Variants in PPP2R2D observed in about 807,000 individuals in gnomAD.
PPP2R2D encodes serine/threonine-protein phosphatase 2A 55 kDa regulatory subunit B delta isoform.
In PPP2R2D, 9 loss-of-function variants were observed where a neutral mutation model predicts 31.1. The observed-to-expected ratio is 0.29, with a 90% CI of 0.17 to 0.51. The LOEUF (loss-of-function observed/expected upper bound fraction) is 0.51, where lower values mean the gene tolerates loss of function less well. Ranked by LOEUF, PPP2R2D falls within the 20% of genes least tolerant of loss-of-function variation. The pLI is 0.98. For missense variants in PPP2R2D, 391 were observed against 465.6 expected, an observed-to-expected ratio of 0.84 and a Z score of 1.48; for synonymous variants, 179 against 172.6, an observed-to-expected ratio of 1.04 and a Z score of -0.29.
intron 2 of PPP2R2D, among the ~76,000 whole-genome samples, chr10:131,916,385 A>G (rs554139797): frequency 1.8e-4 from 27 of 151,222 alleles, no homozygotes; most frequent in African/African-American, 6.6e-4. Flanking sequence ...TAAAATATAC[A>G]TGGCATAATA....
chr10:131,913,630 A>G (rs2035720466), intron 2 of PPP2R2D, among the ~76,000 whole-genome samples: 1 of 152,052 alleles, frequency 6.6e-6, no homozygotes, highest in African/African-American at 2.4e-5. Context: ...GGGGGTGGAT[A>G]TTTTCTGAGC....
At position 131,904,250 on chromosome 10, in the gene PPP2R2D, G is replaced by T. The variant is rs894707778; in HGVS notation, c.100+2920G>T. ...GAGATGGCCGGGCGCAGTGGCTCAC[G>T]CTTGTAATCCCAGCACTTTGGGAGG... On this transcript the variant is annotated intron_variant, in intron 2 of 8. Coordinates refer to ENST00000455566, the MANE Select transcript of PPP2R2D (RefSeq NM_018461.5). Among the ~76,000 whole-genome samples, 106 of 142,638 alleles carry T rather than the reference G, an allele frequency of 7.4e-4. No individual in the cohort carries two copies. The East Asian group carries it at 0.021, about 28-fold the overall frequency. 93.6% of individuals were successfully genotyped at this position (142,638 alleles called of 152,430 possible).
downstream of PPP2R2D, among the ~76,000 whole-genome samples, chr10:131,963,069 G>T (rs1564832267): frequency 6.6e-6 from 1 of 152,186 alleles, no homozygotes; most frequent in Non-Finnish European, 1.5e-5. Flanking sequence ...GGAGGCTGAG[G>T]CAGGACAATC....
At chr10:131,962,892 T>C (rs140545448), downstream of PPP2R2D, among the ~76,000 whole-genome samples, 288 of 152,316 alleles carry the variant, frequency 1.9e-3, no homozygotes, top group South Asian at 9.5e-3. Flanking sequence ...GGGCTAGGCA[T>C]GGTGGCTCAC....
intron 8 of PPP2R2D, among the ~76,000 whole-genome samples, chr10:131,949,252 A>C (rs2036598547): frequency 6.6e-6 from 1 of 152,156 alleles, no homozygotes; most frequent in African/African-American, 2.4e-5. Flanking sequence ...GCTGATGCAC[A>C]CTGAGCTTGG....
chr10:131,945,383 C>T lies in PPP2R2D; in HGVS notation c.744C>T (p.Phe248=), dbSNP rs567109023. 17 of 1,614,200 alleles carry T rather than the reference C, an allele frequency of 1.1e-5. 1 individual carries two copies. In the Admixed American group the frequency reaches 1.3e-4, roughly 13 times the overall value. The change falls in exon 7 of 9, where the codon TTC becomes TTT. Residue 248 remains phenylalanine (F), a synonymous_variant. Coordinates refer to ENST00000455566, the MANE Select transcript of PPP2R2D (RefSeq NM_018461.5). This position sits in a 1 kb window ranked among gnomAD's most constrained non-coding sequence, Gnocchi z 4.8. ...AEFHPHQCNV[F]VYSSSKGTIR... The stretch of plus-strand genomic sequence containing the variant: ...TCCACCCGCACCAGTGCAACGTGTT[C>T]GTCTACAGCAGTAGCAAAGGGACCA...
intron 2 of PPP2R2D, among the ~76,000 whole-genome samples, chr10:131,929,984 G>A (rs1212938962): frequency 6.6e-6 from 1 of 152,124 alleles, no homozygotes; most frequent in Non-Finnish European, 1.5e-5. Flanking sequence ...CCTCCTGTAT[G>A]GCAACCGATG....
At chr10:131,970,391 A>G in the PPP2R2D span, 1 of 570,928 alleles carries the variant, frequency 1.8e-6, no homozygotes, top group Non-Finnish European at 3.1e-6. This position sits in a 1 kb window ranked among gnomAD's most constrained non-coding sequence, Gnocchi z 4.1. Context: ...CTCCGTTTAT[A>G]TTCAGTGAGC....
chr10:131,906,427 C>T (rs2119712042), intron 2 of PPP2R2D, among the ~76,000 whole-genome samples: 1 of 152,246 alleles, frequency 6.6e-6, no homozygotes, highest in Admixed American at 6.5e-5. Flanking sequence ...ATAGACTAAA[C>T]AAAACTAAAG....
In PPP2R2D at chr10:131,939,908, T is replaced by G. The variant is rs566878815; in HGVS notation, c.199-123T>G. The G allele has an allele frequency of 1.4e-5, 6 of 425,314 alleles. No homozygotes were observed. In the East Asian group the frequency reaches 2.1e-4, roughly 15 times the overall value. 26.3% of individuals were successfully genotyped at this position (425,314 alleles called of 1,614,324 possible). A position where few individuals can be genotyped will look rare whatever the true frequency, so the allele number is the denominator to read the frequency against. Reference sequence around the variant, plus strand: ...TTCCCTGAGTTTCATCTGAGATTTTTTTGAGCCAGGATTTTTTAGCTTTAA... The same window carrying G: ...TTCCCTGAGTTTCATCTGAGATTTTGTTGAGCCAGGATTTTTTAGCTTTAA... On this transcript the variant is annotated intron_variant, in intron 3 of 8. Coordinates refer to ENST00000455566, the MANE Select transcript of PPP2R2D (RefSeq NM_018461.5).
chr10:131,941,193 A>G (rs1347483326), intron 5 of PPP2R2D, among the ~76,000 whole-genome samples: 2 of 152,236 alleles, frequency 1.3e-5, no homozygotes, highest in Non-Finnish European at 1.5e-5. Context: ...CATGAGCATC[A>G]TTACTTTTTT....
intron 2 of PPP2R2D, among the ~76,000 whole-genome samples, chr10:131,906,754 C>G (rs2035592890): frequency 7.5e-6 from 1 of 132,612 alleles, no homozygotes; most frequent in Admixed American, 7.8e-5. Context: ...GATCTTGTCT[C>G]TACCAAAAAA....
the PPP2R2D span, chr10:131,970,259 T>G: frequency 4.4e-6 from 1 of 225,808 alleles, no homozygotes; most frequent in East Asian, 1.2e-4. The surrounding 1 kb of genome is among the most constrained non-coding windows in gnomAD (Gnocchi z 4.1). Context: ...GTACAGCAGG[T>G]AACTGAGACC....
chr10:131,928,942 G>A (rs1554895296), intron 2 of PPP2R2D, among the ~76,000 whole-genome samples: 1 of 152,200 alleles, frequency 6.6e-6, no homozygotes. Context: ...GTTAAAGGAA[G>A]TAGTTAGAAA....
At chr10:131,938,988 C>G (rs1389282463) in intron 3 of PPP2R2D, among the ~76,000 whole-genome samples, 1 of 152,284 alleles carries the variant, frequency 6.6e-6, no homozygotes, top group Non-Finnish European at 1.5e-5. Flanking sequence ...AACCACTCAC[C>G]TCTACCCAGA....
chr10:131,938,485 A>G (rs2036383341), intron 3 of PPP2R2D, among the ~76,000 whole-genome samples: 1 of 152,200 alleles, frequency 6.6e-6, no homozygotes, highest in South Asian at 2.1e-4. Flanking sequence ...AGGAAGGAGA[A>G]TGCTCGGGAT....
intron 2 of PPP2R2D, among the ~76,000 whole-genome samples, chr10:131,925,259 A>G (rs1014693351): frequency 6.6e-6 from 1 of 152,208 alleles, no homozygotes; most frequent in Non-Finnish European, 1.5e-5. Context: ...CAGACTCATC[A>G]TGAAGTGTGA....
chr10:131,934,344 T>C (rs1200275869), intron 2 of PPP2R2D, 114 bp from the exon 3 acceptor site: 1 of 637,014 alleles, frequency 1.6e-6, no homozygotes, highest in African/African-American at 1.8e-5. Context: ...TGCTTTAGTC[T>C]CGGAGAAAGT....
rs61669929 is a variant in PPP2R2D at position 131,930,223 on chromosome 10, A to AT, written c.101-4224dup. Among the ~76,000 whole-genome samples the AT allele has an allele frequency of 9.5e-3, 1,385 of 146,044 alleles. 20 individuals are homozygous for AT. The highest frequency in any genetic ancestry group is 0.032 in the African/African-American group (1,273 of 40,106). ...GCTTAGTTATCTGTGTCTTTAGTGC[A>AT]TTTTTTTTTTTAGCAAACACTTCAA... On this transcript the variant is annotated intron_variant, in intron 2 of 8. Coordinates refer to ENST00000455566, the MANE Select transcript of PPP2R2D (RefSeq NM_018461.5).
Sources: allele counts gnomAD v4.1 joint callset (sites outside exome capture counted in the v4.1 genomes callset), GRCh38; gene constraint gnomAD v4.1.1; non-coding constraint Gnocchi (gnomAD v3.1); transcripts MANE v1.5; gene names NCBI Gene and HGNC (gene_info 2026-07-23, HGNC 2026-07-21).